CFAP53: variants seen among roughly 807,000 people sequenced by gnomAD.
The protein encoded by CFAP53 is cilia- and flagella-associated protein 53.
In CFAP53, 62 loss-of-function variants were observed where a neutral mutation model predicts 59.7. That is an observed-to-expected ratio of 1.04 (90% CI 0.85 to 1.28). The LOEUF (loss-of-function observed/expected upper bound fraction) is 1.28. Ranked by LOEUF, CFAP53 falls within the 50% of genes most tolerant of loss-of-function variation. CFAP53 has a pLI of 0.00. For missense variants in CFAP53, 629 were observed against 615.6 expected, an observed-to-expected ratio of 1.02 and a Z score of -0.23; for synonymous variants, 218 against 205.7, an observed-to-expected ratio of 1.06 and a Z score of -0.51.
At chr18:50,232,031 C>G (rs538440457) in intron 7 of CFAP53, among the ~76,000 whole-genome samples, 1 of 152,200 alleles carries the variant, frequency 6.6e-6, no homozygotes, top group Non-Finnish European at 1.5e-5. Flanking sequence ...AGGGGACTTT[C>G]TTAATAGGTG....
At chr18:50,256,380 A>C (rs1002767976) in intron 3 of CFAP53, 1 of 152,138 alleles carries the variant, frequency 6.6e-6, no homozygotes, top group Non-Finnish European at 1.5e-5. Context: ...TGAAAATCCA[A>C]GTCTAATCCT....
In CFAP53 at chr18:50,242,993, C is replaced by T; in HGVS notation, c.1120G>A (p.Glu374Lys). 6.2e-7 allele frequency: 1 copy of T among 1,614,118 alleles called. No homozygotes were observed. ...TCAAGTCTCAGCTCCTTGTCCTTCT[C>T]AGCCAACTTCTTTGCCTTGTCTTCC... ...LEEDKAKKLAEKDKELRLEKE... is the reference protein window; with the variant it reads ...LEEDKAKKLAKKDKELRLEKE... The change falls in exon 6 of 8, where the codon GAG (glutamate) becomes AAG (lysine). Residue 374 changes from glutamate (E) to lysine (K), a missense_variant. By Grantham distance (56) the Glu-to-Lys change is moderately conservative. Coordinates refer to ENST00000398545, the MANE Select transcript of CFAP53 (RefSeq NM_145020.5).
intron 5 of CFAP53, among the ~76,000 whole-genome samples, chr18:50,249,857 C>G (rs2033780940): frequency 6.6e-6 from 1 of 152,026 alleles, no homozygotes; most frequent in Non-Finnish European, 1.5e-5. Flanking sequence ...ATTGAGGGAA[C>G]CAGAGTAAAG....
chr18:50,251,434 A>G (rs2033798196), intron 4 of CFAP53, 47 bp downstream of exon 4: 1 of 1,526,932 alleles, frequency 6.5e-7, no homozygotes, highest in Non-Finnish European at 8.9e-7. Context: ...AAACTGTACT[A>G]CACCCATGGC....
intron 7 of CFAP53, among the ~76,000 whole-genome samples, chr18:50,230,346 G>A (rs908939177): frequency 1.3e-5 from 2 of 152,172 alleles, no homozygotes; most frequent in Non-Finnish European, 2.9e-5. Context: ...TGACCTCTTG[G>A]GAGGGGAAGG....
rs1599132337 is a variant in CFAP53 at position 50,260,970 on chromosome 18, C to G, written c.473+94G>C. The G allele has an allele frequency of 2.4e-6, 3 of 1,259,588 alleles. No homozygotes were observed. The East Asian group carries it at 7.0e-5, about 30-fold the overall frequency. 78.0% of individuals were successfully genotyped at this position (1,259,588 alleles called of 1,614,324 possible). On this transcript the variant is annotated intron_variant, in intron 3 of 7. Coordinates refer to ENST00000398545, the MANE Select transcript of CFAP53 (RefSeq NM_145020.5). Reference sequence around the variant, plus strand: ...TTAAAGTTACAACTACTCTGTATATCCTCTTAAGACTAATTTACTTTAAAT... The same window carrying G: ...TTAAAGTTACAACTACTCTGTATATGCTCTTAAGACTAATTTACTTTAAAT...
At chr18:50,262,409 A>C (rs2144437609) in intron 1 of CFAP53, among the ~76,000 whole-genome samples, 190 bp from the exon 2 acceptor site, 1 of 152,358 alleles carries the variant, frequency 6.6e-6, no homozygotes, top group South Asian at 2.1e-4. Context: ...CCTATACCTA[A>C]GATGTCATCA....
chr18:50,240,319 C>T (rs2033678583), intron 6 of CFAP53, among the ~76,000 whole-genome samples: 1 of 152,210 alleles, frequency 6.6e-6, no homozygotes, highest in East Asian at 1.9e-4. Flanking sequence ...ATTACCTGCT[C>T]CACCCTGACT....
At chr18:50,254,206 C>A (rs2033826494) in intron 3 of CFAP53, among the ~76,000 whole-genome samples, 2 of 143,994 alleles carry the variant, frequency 1.4e-5, no homozygotes, top group Admixed American at 6.9e-5. Context: ...GTCTAGAATA[C>A]ATAAAGAATC....
chr18:50,242,829 G>T (rs900199801), intron 6 of CFAP53, 71 bp downstream of exon 6: 2 of 1,210,674 alleles, frequency 1.7e-6, no homozygotes, highest in East Asian at 2.3e-5. Flanking sequence ...TATTATGGTT[G>T]TTAGTATTTT....
rs1226448723 is a variant in CFAP53, at chr18:50,266,327, T to C, written c.69+9A>G. 3.7e-6 allele frequency: 6 copies of C among 1,613,806 alleles called. No individual in the cohort carries two copies. Among genetic ancestry groups the C allele is most frequent in the East Asian group, 2.2e-5 (1 of 44,896 alleles). ...GCTGTAGGGTCTGGCAGACATATCC[T>C]GTGCTTACCACGATCACCACTTTGG... On this transcript the variant is annotated intron_variant, in intron 1 of 7. Transcript: ENST00000398545.
chr18:50,227,568 A>T lies in CFAP53; in HGVS notation c.1358T>A (p.Met453Lys). 1 of 1,614,206 alleles carries T rather than the reference A, an allele frequency of 6.2e-7. No homozygotes were observed. The highest frequency in any genetic ancestry group is 8.5e-7 in the Non-Finnish European group (1 of 1,180,026). Residue 453 changes from methionine (M) to lysine (K), a missense_variant, in exon 8 of 8, where the codon ATG (methionine) becomes AAG (lysine). Physicochemically the swap from Met to Lys is moderately conservative, Grantham distance 95. Transcript: ENST00000398545. ...GGACTGCTGCTGGTAGGCGATTTGC[A>T]TCTGAAGTTGCTTCCTGTACTCCTG... ...LAQEYRKQLQ[M>K]QIAYQQQSQE... is the part of the protein sequence containing the mutation.
At position 50,266,395 on chromosome 18, in the gene CFAP53, G is replaced by A; in HGVS notation, c.10C>T (p.Gln4Ter). The change falls in exon 1 of 8, where the codon CAG becomes TAG. Residue 4 changes from glutamine to a stop codon, truncating the protein, a stop_gained. Coordinates refer to ENST00000398545, the MANE Select transcript of CFAP53 (RefSeq NM_145020.5). LOFTEE classifies it high-confidence loss of function. ...TCCCGCTGTACGGTGCCAAACCGCTGGCTGTACATTTTCGAGTCCCCTTCG... is the reference window on the plus strand; with the variant it reads ...TCCCGCTGTACGGTGCCAAACCGCTAGCTGTACATTTTCGAGTCCCCTTCG... The part of the protein sequence containing the change: MYS[Q>*]RFGTVQREVK... 6.2e-7 allele frequency: 1 copy of A among 1,614,274 alleles called. No individual in the cohort carries two copies.
intron 5 of CFAP53, among the ~76,000 whole-genome samples, chr18:50,247,972 T>G (rs1214538626): frequency 6.6e-6 from 1 of 151,984 alleles, no homozygotes; most frequent in African/African-American, 2.4e-5. Context: ...AAAAAATGAT[T>G]TAAATGTGAA....
At chr18:50,237,385 TACACACAC>T (rs1201647226) in intron 7 of CFAP53, among the ~76,000 whole-genome samples, 3 of 6,674 alleles carry the variant, frequency 4.5e-4, no homozygotes, top group African/African-American at 7.4e-4. Flanking sequence ...CACACACACA[TACACACAC>T]ACACACACAC....
chr18:50,253,082 T>A (rs1252225228), intron 3 of CFAP53, among the ~76,000 whole-genome samples: 1 of 151,834 alleles, frequency 6.6e-6, no homozygotes, highest in Non-Finnish European at 1.5e-5. Flanking sequence ...AGTGGCACGA[T>A]CTCGGCTCAC....
At chr18:50,246,945 G>A (rs1294033330) in intron 5 of CFAP53, among the ~76,000 whole-genome samples, 2 of 152,056 alleles carry the variant, frequency 1.3e-5, no homozygotes, top group Non-Finnish European at 2.9e-5. Flanking sequence ...CAACTCAGAA[G>A]GCTGAGGCAG....
At chr18:50,227,660 A>G (rs2033538716) in intron 7 of CFAP53, 51 bp from the exon 8 acceptor site, 1 of 1,312,540 alleles carries the variant, frequency 7.6e-7, no homozygotes, top group African/African-American at 1.5e-5. Flanking sequence ...AAGCATTTAG[A>G]TTTATTCAGA....
chr18:50,247,433 G>A (rs545444531), intron 5 of CFAP53, among the ~76,000 whole-genome samples: 15 of 152,236 alleles, frequency 9.9e-5, no homozygotes, highest in Admixed American at 9.2e-4. Flanking sequence ...TTACCGTATG[G>A]CCCAGTAGTA....
Sources: gnomAD v4.1 joint callset for allele counts (sites outside exome capture counted in the v4.1 genomes callset) on GRCh38, gnomAD v4.1.1 for gene constraint, MANE v1.5 for transcripts, NCBI Gene and HGNC (gene_info 2026-07-23, HGNC 2026-07-21) for gene names.